Variants in MYOF observed in about 807,000 individuals in gnomAD.
The protein encoded by MYOF is fer-1-like 3, myoferlin.
A neutral mutation model predicts 284.2 loss-of-function variants in MYOF; 244 were observed. That is an observed-to-expected ratio of 0.86 (90% confidence interval 0.77 to 0.95). The LOEUF (loss-of-function observed/expected upper bound fraction) is 0.95, where lower values mean the gene tolerates loss of function less well. MYOF is among the 40% of genes least tolerant of loss of function. The pLI is 0.00. For synonymous variants in MYOF, 904 were observed against 919.7 expected, an observed-to-expected ratio of 0.98 and a Z score of 0.31; for missense variants, 2,496 against 2,560.6, an observed-to-expected ratio of 0.97 and a Z score of 0.54.
intron 34 of MYOF, 58 bp from the exon 35 acceptor site, chr10:93,351,353 A>C (rs1036976491): frequency 2.5e-6 from 4 of 1,609,382 alleles, no homozygotes; most frequent in Admixed American, 1.7e-5. Context: ...AACAGTGCCT[A>C]GAATTAACAT....
intron 1 of MYOF, among the ~76,000 whole-genome samples, chr10:93,462,537 A>G (rs1451309522): frequency 6.6e-6 from 1 of 152,136 alleles, no homozygotes; most frequent in Admixed American, 6.6e-5. Context: ...CAGGTCTAGT[A>G]TGACTCCTGA....
At position 93,440,277 on chromosome 10, in the gene MYOF, TGGCGGGC is replaced by T. The variant is rs1215159128; in HGVS notation, c.237-8768_237-8762del. 5.3e-5 allele frequency among the ~76,000 whole-genome samples: 8 copies of T among 152,222 alleles called. No homozygotes were observed. The East Asian group carries it at 1.5e-3, about 29-fold the overall frequency. On this transcript the variant is annotated intron_variant, in intron 3 of 53. Transcript: ENST00000359263. ...AAATAAAAAAATTAGTCGGGCGTGG[TGGCGGGC>T]GCCTGTAGTCCTAGCTACTCGGGAG...
intron 16 of MYOF, among the ~76,000 whole-genome samples, chr10:93,393,457 C>A (rs1270416727): frequency 6.6e-6 from 1 of 152,140 alleles, no homozygotes; most frequent in Non-Finnish European, 1.5e-5. Flanking sequence ...GGCCCTGTAA[C>A]CCCATGGTCT....
At chr10:93,364,199 CT>C (rs1845220039) in intron 26 of MYOF, 124 bp from the exon 27 acceptor site, 1 of 699,790 alleles carries the variant, frequency 1.4e-6, no homozygotes, top group South Asian at 1.8e-5. Context: ...CGCTTTACCC[CT>C]GTTGGTTCTG....
chr10:93,479,966 T>C (rs1209651481), intron 1 of MYOF, among the ~76,000 whole-genome samples: 5 of 152,222 alleles, frequency 3.3e-5, no homozygotes, highest in Non-Finnish European at 7.3e-5. Flanking sequence ...GTTTCATCAA[T>C]GCATACAAAC....
chr10:93,338,925 CA>C (rs200398994), intron 39 of MYOF, among the ~76,000 whole-genome samples: 10,528 of 129,812 alleles, frequency 0.081, 438 homozygotes, highest in African/African-American at 0.097. Context: ...ATAATAACGC[CA>C]AAAAAAAAAA....
chr10:93,331,497 G>T (rs1176854788), intron 43 of MYOF, among the ~76,000 whole-genome samples: 3 of 152,148 alleles, frequency 2.0e-5, no homozygotes, highest in Non-Finnish European at 4.4e-5. Context: ...TTCAGACAGG[G>T]TTGCCTTTCT....
At chr10:93,374,020 C>G (rs1845719277) in intron 23 of MYOF, among the ~76,000 whole-genome samples, 1 of 152,168 alleles carries the variant, frequency 6.6e-6, no homozygotes, top group South Asian at 2.1e-4. Flanking sequence ...AGCCCCCTAT[C>G]CCGCTGACAG....
At chr10:93,333,995 G>C in intron 41 of MYOF, 82 bp from the exon 42 acceptor site, 6 of 1,430,168 alleles carry the variant, frequency 4.2e-6, no homozygotes, top group Non-Finnish European at 5.7e-6. Flanking sequence ...CCTCCGCCAG[G>C]GGTGTGGGAT....
At chr10:93,418,755 G>A (rs996941498) in intron 5 of MYOF, among the ~76,000 whole-genome samples, 5 of 152,204 alleles carry the variant, frequency 3.3e-5, no homozygotes, top group South Asian at 2.1e-4. Context: ...GGAGATGGGC[G>A]CCAGATGACT....
intron 28 of MYOF, among the ~76,000 whole-genome samples, chr10:93,360,619 T>C (rs553931386): frequency 2.2e-4 from 33 of 152,350 alleles, no homozygotes; most frequent in African/African-American, 7.9e-4. Flanking sequence ...ATAAGGAAAG[T>C]AATGAATCAG....
At chr10:93,473,704 G>T (rs967468291) in intron 1 of MYOF, among the ~76,000 whole-genome samples, 1 of 152,124 alleles carries the variant, frequency 6.6e-6, no homozygotes, top group African/African-American at 2.4e-5. Flanking sequence ...CCTTGAGCAC[G>T]CTGAAGTGGG....
intron 36 of MYOF, among the ~76,000 whole-genome samples, chr10:93,349,557 G>T (rs1844404589): frequency 6.6e-6 from 1 of 152,230 alleles, no homozygotes; most frequent in Non-Finnish European, 1.5e-5. Context: ...TAGATGGAAA[G>T]TTTACTGGAG....
intron 3 of MYOF, among the ~76,000 whole-genome samples, chr10:93,442,175 A>G (rs2056286823): frequency 6.6e-6 from 1 of 152,114 alleles, no homozygotes; most frequent in South Asian, 2.1e-4. Flanking sequence ...CATTTTTCTC[A>G]TCTGTGAGTT....
At chr10:93,479,243 T>A (rs10882242) in intron 1 of MYOF, among the ~76,000 whole-genome samples, 1 of 151,478 alleles carries the variant, frequency 6.6e-6, no homozygotes, top group African/African-American at 2.4e-5. Flanking sequence ...CAGGCTCAAG[T>A]GATTCTCCTG....
intron 5 of MYOF, among the ~76,000 whole-genome samples, chr10:93,413,883 T>G (rs927012036): frequency 2.0e-5 from 3 of 151,756 alleles, no homozygotes; most frequent in African/African-American, 2.4e-5. Flanking sequence ...GTCTGAGCTA[T>G]TCGGGAGGCT....
intron 23 of MYOF, among the ~76,000 whole-genome samples, 167 bp from the exon 24 acceptor site, chr10:93,373,252 G>C (rs1845673948): frequency 6.6e-6 from 1 of 152,172 alleles, no homozygotes; most frequent in Non-Finnish European, 1.5e-5. Flanking sequence ...GGACCGCACT[G>C]TGAGTTTGCA....
At chr10:93,357,311 T>C (rs569470929) in intron 29 of MYOF, among the ~76,000 whole-genome samples, 2 of 152,362 alleles carry the variant, frequency 1.3e-5, no homozygotes, top group African/African-American at 4.8e-5. Context: ...CTGCCATAAC[T>C]GATAATTAAG....
At chr10:93,456,746 CA>C in intron 2 of MYOF, 135 bp downstream of exon 2, 2 of 658,084 alleles carry the variant, frequency 3.0e-6, no homozygotes, top group Non-Finnish European at 2.6e-6. Context: ...TTGGTGAACA[CA>C]AAGGGAAACG....
Sources: gnomAD v4.1 joint callset for allele counts (sites outside exome capture counted in the v4.1 genomes callset) on GRCh38, gnomAD v4.1.1 for gene constraint, MANE v1.5 for transcripts, NCBI Gene and HGNC (gene_info 2026-07-23, HGNC 2026-07-21) for gene names.